ARHGAP45: variants seen among roughly 807,000 people sequenced by gnomAD.
The protein encoded by ARHGAP45 is Rho GTPase activating protein 45.
Under a neutral mutation model 116.1 loss-of-function variants are expected in ARHGAP45, and 56 were observed. That is an observed-to-expected ratio of 0.48 (90% CI 0.39 to 0.60). The LOEUF is 0.60. Among genes scored for constraint, ARHGAP45 ranks in the 20% least tolerant of loss-of-function variants. The pLI is 0.00. For synonymous variants in ARHGAP45, 866 were observed against 701.7 expected (o/e 1.23, Z -3.70); for missense variants, 1,622 against 1,601.0 (o/e 1.01, Z -0.22).
intron 11 of ARHGAP45, among the ~76,000 whole-genome samples, chr19:1,078,382 A>G (rs934598369): frequency 2.0e-5 from 3 of 151,728 alleles, no homozygotes. Flanking sequence ...TGACCTCGTG[A>G]TCCGTCCACC....
intron 22 of ARHGAP45, 105 bp from the exon 23 acceptor site, chr19:1,085,555 C>CCTGTCTCTCCATCTCTG: frequency 1.3e-6 from 1 of 774,104 alleles, no homozygotes; most frequent in Non-Finnish European, 2.0e-6. Flanking sequence ...CTCCATCTCT[C>CCTGTCTCTCCATCTCTG]TCCCCCCTCT....
At chr19:1,085,500 T>TTCTCTCCTCCATCTCTCC (rs1568489301) in intron 22 of ARHGAP45, among the ~76,000 whole-genome samples, 160 bp from the exon 23 acceptor site, 2 of 95,120 alleles carry the variant, frequency 2.1e-5, no homozygotes, top group Admixed American at 1.2e-4. Context: ...GTCCCTCCCC[T>TTCTCTCCTCCATCTCTCC]TGTCTCTCCT....
Position 1,086,067 on chromosome 19 carries a change from C to CGTCCCCTGCACCACGGCATAGCTTA in ARHGAP45, c.*63_*87dup. The CGTCCCCTGCACCACGGCATAGCTTA allele has an allele frequency of 7.0e-7, 1 of 1,438,250 alleles. No individual in the cohort carries two copies. The highest frequency in any genetic ancestry group is 1.2e-5 in the South Asian group (1 of 80,708). 89.1% of individuals were successfully genotyped at this position (1,438,250 alleles called of 1,614,324 possible). On this transcript the variant is annotated 3_prime_UTR_variant, in exon 23 of 23. Coordinates refer to ENST00000313093, the MANE Select transcript of ARHGAP45 (RefSeq NM_012292.5). ...CTTGCCTGCTCCTGTCCCTCCAGCACGTCCCCTGCACCACGGCATAGCTTA... is the reference window on the plus strand; with the variant it reads ...CTTGCCTGCTCCTGTCCCTCCAGCACGTCCCCTGCACCACGGCATAGCTTAGTCCCCTGCACCACGGCATAGCTTA...
Position 1,074,105 on chromosome 19 carries a change from C to T in ARHGAP45, c.792C>T (p.Gly264=), listed in dbSNP as rs954979870. 5.0e-6 allele frequency: 8 copies of T among 1,611,564 alleles called. No homozygotes were observed. Among genetic ancestry groups the T allele is most frequent in the Middle Eastern group, 3.3e-4 (2 of 6,048 alleles). The part of the protein sequence containing the change: ...TPPSLEDCDA[G]CLPAEEVDVL... ...TGAGCAGGCCCCCGTTCCCTGCAGG[C>T]TGCCTGCCCGCCGAGGAGGTGGACG... The change falls in exon 7 of 23, where the codon GGC becomes GGT. Residue 264 remains glycine, a splice_region_variant and synonymous_variant. Transcript: ENST00000313093.
chr19:1,067,089 G>C (rs1276742123), upstream of ARHGAP45: 6 of 906,232 alleles, frequency 6.6e-6, no homozygotes, highest in Non-Finnish European at 6.8e-6. Flanking sequence ...GAGCGGCGCG[G>C]CTCCGAGCTC....
At position 1,086,036 on chromosome 19, in the gene ARHGAP45, T is replaced by TTC. The variant is rs3834649; in HGVS notation, c.*36_*37dup. ...GGGTGGGGCTGGGACCACAGGTGGC[T>TTC]TCTCTCTTGCCTGCTCCTGTCCCTC... On this transcript the variant is annotated 3_prime_UTR_variant, in exon 23 of 23. Transcript: ENST00000313093. 1 of 1,578,078 alleles carries TTC rather than the reference T, an allele frequency of 6.3e-7. No homozygotes were observed. The highest frequency in any genetic ancestry group is 8.7e-7 in the Non-Finnish European group (1 of 1,153,464).
At chr19:1,085,544 T>TCTCCCAATCTCTCCTGTCA in intron 22 of ARHGAP45, 116 bp from the exon 23 acceptor site, 1 of 729,528 alleles carries the variant, frequency 1.4e-6, no homozygotes, top group East Asian at 2.8e-5. Flanking sequence ...CTCTCCTGTC[T>TCTCCCAATCTCTCCTGTCA]CTCCATCTCT....
chr19:1,085,552 T>TCTCCTGTCTCTCC, intron 22 of ARHGAP45, 108 bp from the exon 23 acceptor site: 1 of 759,592 alleles, frequency 1.3e-6, no homozygotes, highest in East Asian at 2.7e-5. Flanking sequence ...TCTCTCCATC[T>TCTCCTGTCTCTCC]CTCTCCCCCC....
chr19:1,078,460 C>CA (rs2043330920), intron 11 of ARHGAP45, among the ~76,000 whole-genome samples: 1 of 139,310 alleles, frequency 7.2e-6, no homozygotes, highest in South Asian at 2.3e-4. Context: ...TTTTTGGAGA[C>CA]AGAGTCTCAT....
chr19:1,081,980 G>A lies in ARHGAP45; in HGVS notation c.2517+19G>A, dbSNP rs1213753401. On this transcript the variant is annotated intron_variant, in intron 19 of 22. Transcript: ENST00000313093. ...GCGTCAGGTGAGACCCACCGGTGGT[G>A]GCCAGGCAGAGCCTGGAAGGGGCGT... 1 of 1,605,004 alleles carries A rather than the reference G, an allele frequency of 6.2e-7. No individual in the cohort carries two copies. The highest frequency in any genetic ancestry group is 2.2e-5 in the East Asian group (1 of 44,732).
chr19:1,067,492 G>A lies in ARHGAP45; in HGVS notation c.87G>A (p.Ser29=). Residue 29 remains serine (S), a synonymous_variant, in exon 1 of 23, where the codon TCG becomes TCA. Coordinates refer to ENST00000313093, the MANE Select transcript of ARHGAP45 (RefSeq NM_012292.5). ...NRAGSPSPQP[S]GELPRKDGAD... ...CGGGAAGCCCCAGCCCGCAGCCCTC[G>A]GGGGTGAGTGGAGCCCGGGTGAGAC... 1 of 1,597,446 alleles carries A rather than the reference G, an allele frequency of 6.3e-7. No individual in the cohort carries two copies. The highest frequency in any genetic ancestry group is 1.1e-5 in the South Asian group (1 of 89,028).
In ARHGAP45 at chr19:1,073,230, A is replaced by G. The variant is rs1403390136; in HGVS notation, c.503A>G (p.Tyr168Cys). 1 of 1,613,360 alleles carries G rather than the reference A, an allele frequency of 6.2e-7. No individual in the cohort carries two copies. Among genetic ancestry groups the G allele is most frequent in the Non-Finnish European group, 8.5e-7 (1 of 1,179,986 alleles). ...GTCATGCATCAGATCATCTCCAAGT[A>G]CCCGCTGCTGAACACCGTGGAGACG... ...LRVMHQIISKYPLLNTVETLT... is the reference protein window; with the variant it reads ...LRVMHQIISKCPLLNTVETLT... The change falls in exon 3 of 23, where the codon TAC becomes TGC. Residue 168 changes from tyrosine to cysteine, a missense_variant. By Grantham distance (194) the Tyr-to-Cys change is radical (BLOSUM62 -2). Around this residue, in one of 3 missense-constraint regions of ARHGAP45, gnomAD observed 279 missense variants for 311.9 expected, o/e 0.89. Transcript: ENST00000313093.
Position 1,086,210 on chromosome 19 carries a change from G to A in ARHGAP45, c.*204G>A, listed in dbSNP as rs1398776557. The A allele has an allele frequency of 6.8e-6, 4 of 585,470 alleles. No homozygotes were observed. Among genetic ancestry groups the A allele is most frequent in the Non-Finnish European group, 9.1e-6 (3 of 328,806 alleles). 36.3% of individuals were successfully genotyped at this position (585,470 alleles called of 1,614,324 possible). ...GCCTTGCGGCACAGGACTGTGCCCT[G>A]TGCTGTCCCCTGCACCCCGGCTCAG... On this transcript the variant is annotated 3_prime_UTR_variant, in exon 23 of 23. Transcript: ENST00000313093.
chr19:1,079,513 A>AAT (rs1457369374), intron 11 of ARHGAP45, among the ~76,000 whole-genome samples, 190 bp from the exon 12 acceptor site: 2 of 150,984 alleles, frequency 1.3e-5, no homozygotes, highest in African/African-American at 4.9e-5. Flanking sequence ...CAAAAAAAAA[A>AAT]AAAAAAAGAT....
chr19:1,067,560 G>A (rs2043061709), intron 1 of ARHGAP45, 65 bp downstream of exon 1: 1 of 1,436,384 alleles, frequency 7.0e-7, no homozygotes, highest in Non-Finnish European at 9.6e-7. Flanking sequence ...GACCCGCCCT[G>A]TGCTCGGGGC....
At chr19:1,073,057 C>T in intron 2 of ARHGAP45, 92 bp from the exon 3 acceptor site, 3 of 1,434,148 alleles carry the variant, frequency 2.1e-6, no homozygotes, top group Non-Finnish European at 2.8e-6. Context: ...GTTTCCCCAT[C>T]TGGGAACAGG....
chr19:1,085,529 CCCATCTCTCCTGTCTCT>C (rs2043591927), intron 22 of ARHGAP45, 114 bp from the exon 23 acceptor site: 6 of 643,490 alleles, frequency 9.3e-6, no homozygotes, highest in Admixed American at 9.0e-5. Context: ...CCTGTCTCTC[CCCATCTCTCCTGTCTCT>C]CCATCTCTCT....
Position 1,080,448 on chromosome 19 carries a change from A to G in ARHGAP45, c.1829-16A>G, listed in dbSNP as rs1041339783. On this transcript the variant is annotated splice_polypyrimidine_tract_variant and intron_variant, in intron 14 of 22. Coordinates refer to ENST00000313093, the MANE Select transcript of ARHGAP45 (RefSeq NM_012292.5). Reference sequence around the variant, plus strand: ...GACCCACCCTGGCCCTTCACCAGAGACGCCTCTTTCTCCAGCCGGGCGAGG... The same window carrying G: ...GACCCACCCTGGCCCTTCACCAGAGGCGCCTCTTTCTCCAGCCGGGCGAGG... 1 of 1,612,176 alleles carries G rather than the reference A, an allele frequency of 6.2e-7. No individual in the cohort carries two copies. The highest frequency in any genetic ancestry group is 1.7e-5 in the Admixed American group (1 of 59,874).
rs368572486 is a variant in ARHGAP45, at chr19:1,081,067, G to A, written c.2190+3G>A. 1.2e-6 allele frequency: 2 copies of A among 1,600,486 alleles called. No homozygotes were observed. The highest frequency in any genetic ancestry group is 1.7e-6 in the Non-Finnish European group (2 of 1,174,312). ...TCCAGGGTGCTGAGTGTGAAGAGGTGAGTGGGACGCCCCGACGGACAGCTG... is the reference window on the plus strand; with the variant it reads ...TCCAGGGTGCTGAGTGTGAAGAGGTAAGTGGGACGCCCCGACGGACAGCTG... On this transcript the variant is annotated splice_donor_region_variant and intron_variant, in intron 17 of 22. Coordinates refer to ENST00000313093, the MANE Select transcript of ARHGAP45 (RefSeq NM_012292.5).
Sources: gnomAD v4.1 joint callset for allele counts (sites outside exome capture counted in the v4.1 genomes callset) on GRCh38, gnomAD v4.1.1 for gene constraint, gnomAD v4.1.1 regional missense constraint, MANE v1.5 for transcripts, NCBI Gene and HGNC (gene_info 2026-07-23, HGNC 2026-07-21) for gene names.